CLVS1: variants seen among roughly 807,000 people sequenced by gnomAD.
CLVS1 encodes clavesin 1.
A neutral mutation model predicts 33.1 loss-of-function variants in CLVS1; 10 were observed. The ratio of observed to expected loss-of-function variants is 0.30; its 90% CI spans 0.19 to 0.51. The LOEUF (loss-of-function observed/expected upper bound fraction) is 0.51. Among genes scored for constraint, CLVS1 ranks in the 20% least tolerant of loss-of-function variants. CLVS1 has a pLI of 0.97. For synonymous variants in CLVS1, 163 were observed against 166.1 expected (o/e 0.98, Z 0.14); for missense variants, 343 against 433.4 (o/e 0.79, Z 1.85).
chr8:61,199,462 T>C (rs771956304), intron 2 of CLVS1, among the ~76,000 whole-genome samples: 2 of 152,150 alleles, frequency 1.3e-5, no homozygotes, highest in Non-Finnish European at 2.9e-5. Flanking sequence ...GAACAGACAT[T>C]TCTCAAAAGA....
At chr8:61,061,559 A>C (rs1024623083) in intron 1 of CLVS1, among the ~76,000 whole-genome samples, 1 of 151,292 alleles carries the variant, frequency 6.6e-6, no homozygotes, top group African/African-American at 2.5e-5. Flanking sequence ...AATTTATAGG[A>C]GTTTCCTGGC....
chr8:61,350,709 C>T (rs11987132), intron 2 of CLVS1, among the ~76,000 whole-genome samples: 1 of 152,112 alleles, frequency 6.6e-6, no homozygotes, highest in Admixed American at 6.6e-5. Flanking sequence ...ATGAACAGAG[C>T]AATTATCATG....
At chr8:61,350,021 A>G (rs950726690) in intron 2 of CLVS1, among the ~76,000 whole-genome samples, 1 of 152,156 alleles carries the variant, frequency 6.6e-6, no homozygotes, top group African/African-American at 2.4e-5. Flanking sequence ...GGAGTATTAA[A>G]TTAACTAAAA....
intron 2 of CLVS1, among the ~76,000 whole-genome samples, chr8:61,183,278 C>A (rs377451848): frequency 6.6e-6 from 1 of 152,130 alleles, no homozygotes; most frequent in Non-Finnish European, 1.5e-5. Context: ...ACCTGTGTAA[C>A]AAACCTGCAT....
chr8:61,497,442 T>G (rs1481467001), intron 5 of CLVS1, among the ~76,000 whole-genome samples: 12 of 127,606 alleles, frequency 9.4e-5, no homozygotes, highest in Non-Finnish European at 1.0e-4. Context: ...AGGTTTTTAT[T>G]GGGGGGGGGG....
chr8:61,033,035 A>AAG, the CLVS1 span, among the ~76,000 whole-genome samples: 2 of 118,944 alleles, frequency 1.7e-5, no homozygotes, highest in South Asian at 2.9e-4. Flanking sequence ...GAAAGAAAGA[A>AAG]AGAAAGAAAG....
At chr8:61,183,207 G>A (rs1157507268) in intron 2 of CLVS1, among the ~76,000 whole-genome samples, 1 of 152,116 alleles carries the variant, frequency 6.6e-6, no homozygotes, top group Non-Finnish European at 1.5e-5. Flanking sequence ...GCTAATGCAT[G>A]AGGGGCTTAA....
intron 2 of CLVS1, among the ~76,000 whole-genome samples, chr8:61,237,353 C>G (rs1002294625): frequency 6.6e-6 from 1 of 152,140 alleles, no homozygotes; most frequent in African/African-American, 2.4e-5. Flanking sequence ...GAGGCTGAGG[C>G]AGGAGGATCC....
chr8:61,300,510 T>A, intron 2 of CLVS1: 2 of 432,298 alleles, frequency 4.6e-6, no homozygotes, highest in Non-Finnish European at 4.1e-6. Context: ...CATTATTCTT[T>A]TCATCAAAGT....
intron 3 of CLVS1, among the ~76,000 whole-genome samples, chr8:61,407,284 T>TC (rs1264627396): frequency 6.6e-6 from 1 of 152,202 alleles, no homozygotes; most frequent in Non-Finnish European, 1.5e-5. Context: ...ATCTGTAATT[T>TC]CCCCTCATCA....
the CLVS1 span, among the ~76,000 whole-genome samples, chr8:61,038,426 T>C: frequency 6.9e-6 from 1 of 145,888 alleles, no homozygotes; most frequent in African/African-American, 2.6e-5. Context: ...ACACATTTCC[T>C]CCTGTCGTTT....
the CLVS1 span, among the ~76,000 whole-genome samples, chr8:60,979,389 G>A: frequency 1.3e-5 from 2 of 152,212 alleles, no homozygotes; most frequent in Non-Finnish European, 2.9e-5. Flanking sequence ...AATTTTAAAA[G>A]AGACAAAAAT....
At chr8:61,349,234 G>A (rs1041385802) in intron 2 of CLVS1, among the ~76,000 whole-genome samples, 5 of 147,052 alleles carry the variant, frequency 3.4e-5, no homozygotes, top group Non-Finnish European at 7.4e-5. Flanking sequence ...AATAGCACTT[G>A]TCTTTTTCCC....
chr8:61,407,269 C>T (rs1199488091), intron 3 of CLVS1, among the ~76,000 whole-genome samples: 1 of 152,136 alleles, frequency 6.6e-6, no homozygotes, highest in Non-Finnish European at 1.5e-5. Flanking sequence ...AAAGCCTGGT[C>T]CATCATCTGT....
At chr8:61,083,045 T>G (rs1455432802) in intron 1 of CLVS1, among the ~76,000 whole-genome samples, 1 of 151,326 alleles carries the variant, frequency 6.6e-6, no homozygotes, top group Non-Finnish European at 1.5e-5. Context: ...ATTAAGGAGG[T>G]TTGTCACCAG....
At chr8:61,129,337 C>T (rs1004400344) in intron 1 of CLVS1, among the ~76,000 whole-genome samples, 4 of 152,198 alleles carry the variant, frequency 2.6e-5, no homozygotes, top group African/African-American at 9.7e-5. Flanking sequence ...ATTTGGGCAC[C>T]TGCTGTGCAG....
intron 2 of CLVS1, among the ~76,000 whole-genome samples, chr8:61,159,155 C>G (rs111996115): frequency 0.017 from 2,525 of 152,236 alleles, 30 homozygotes; most frequent in African/African-American, 0.024. Flanking sequence ...TTGATTACAG[C>G]GATGAGCCAT....
At chr8:61,210,870 T>C (rs2931330) in intron 2 of CLVS1, among the ~76,000 whole-genome samples, 83,592 of 151,938 alleles carry the variant, frequency 0.55, 24,447 homozygotes, top group East Asian at 0.97. Flanking sequence ...CAGGGACAGC[T>C]TGTAGAGTAG....
At chr8:61,112,174 C>T (rs1262525230) in intron 1 of CLVS1, among the ~76,000 whole-genome samples, 5 of 117,082 alleles carry the variant, frequency 4.3e-5, no homozygotes, top group Admixed American at 2.4e-4. Flanking sequence ...TAAAGTTCTC[C>T]GTGCTACACA....
Sources: gnomAD v4.1 joint callset for allele counts (sites outside exome capture counted in the v4.1 genomes callset) on GRCh38, gnomAD v4.1.1 for gene constraint, MANE v1.5 for transcripts, NCBI Gene and HGNC (gene_info 2026-07-23, HGNC 2026-07-21) for gene names.